P2RX5: variants seen among roughly 807,000 people sequenced by gnomAD.
P2RX5 encodes P2X purinoceptor 5.
Under a neutral mutation model 54.1 loss-of-function variants are expected in P2RX5, and 46 were observed. The ratio of observed to expected loss-of-function variants is 0.85; its 90% CI spans 0.67 to 1.09. The LOEUF is 1.09. Ranked by LOEUF, P2RX5 falls within the 50% of genes least tolerant of loss-of-function variation. The probability of loss-of-function intolerance (pLI) is 0.00; values close to 1 mark genes in which losing one functional copy is unlikely to be tolerated. For synonymous variants in P2RX5, 226 were observed against 226.4 expected (o/e 1.00, Z 0.02); for missense variants, 566 against 549.8 (o/e 1.03, Z -0.29).
At chr17:3,723,340 T>C in the P2RX5 span, 16 of 1,614,084 alleles carry the variant, frequency 9.9e-6, no homozygotes, top group Admixed American at 3.3e-5. Context: ...ATTTTCTTTA[T>C]CTGAAGCGAT....
chr17:3,723,612 A>G, the P2RX5 span: 1 of 1,430,674 alleles, frequency 7.0e-7, no homozygotes, highest in Non-Finnish European at 9.4e-7. Flanking sequence ...AACCCAGGAA[A>G]AACAGTCTCC....
At chr17:3,677,698 T>A (rs1275467937) in intron 11 of P2RX5, 1 of 985,138 alleles carries the variant, frequency 1.0e-6, no homozygotes, top group Non-Finnish European at 1.2e-6. Flanking sequence ...TAGGTCAGCA[T>A]CTCATTTAAG....
intron 9 of P2RX5, among the ~76,000 whole-genome samples, chr17:3,684,835 C>CCTTTTTTTTTTTTTTTTTTT (rs2050390904): frequency 1.2e-5 from 1 of 86,706 alleles, no homozygotes. Context: ...ATCCTGCCCC[C>CCTTTTTTTTTTTTTTTTTTT]TTTTTTTTTT....
the P2RX5 span, among the ~76,000 whole-genome samples, chr17:3,715,231 G>A: frequency 1.3e-3 from 194 of 152,200 alleles, 1 homozygote; most frequent in African/African-American, 4.1e-3. Context: ...CGGCTGTACT[G>A]GATCTAATCT....
the P2RX5 span, among the ~76,000 whole-genome samples, chr17:3,702,365 T>C: frequency 1.8e-4 from 28 of 152,200 alleles, no homozygotes; most frequent in East Asian, 1.9e-4. Context: ...ATCAGCGCTC[T>C]GTAAAATGGA....
intron 10 of P2RX5, among the ~76,000 whole-genome samples, chr17:3,681,079 C>CACCCGGGTTCCTCT (rs2050267120): frequency 6.6e-6 from 1 of 152,220 alleles, no homozygotes; most frequent in Non-Finnish European, 1.5e-5. Context: ...CAGCGTCCTC[C>CACCCGGGTTCCTCT]ACCCGGCTTC....
At chr17:3,683,748 A>AAG (rs71379594) in intron 9 of P2RX5, among the ~76,000 whole-genome samples, 3,438 of 142,412 alleles carry the variant, frequency 0.024, 188 homozygotes, top group Non-Finnish European at 0.036. Context: ...AAAAAAAAAA[A>AAG]GAAAAGTGAT....
the P2RX5 span, chr17:3,720,526 G>A: frequency 3.0e-4 from 179 of 591,344 alleles, 2 homozygotes; most frequent in South Asian, 3.4e-3. Context: ...TGGCCCTAAC[G>A]TACACAACAC....
chr17:3,702,006 TG>T, the P2RX5 span, among the ~76,000 whole-genome samples: 1 of 152,136 alleles, frequency 6.6e-6, no homozygotes, highest in African/African-American at 2.4e-5. Context: ...CTCGAACTCC[TG>T]GCCTCAAGTG....
At chr17:3,709,770 A>G in the P2RX5 span, among the ~76,000 whole-genome samples, 1 of 152,062 alleles carries the variant, frequency 6.6e-6, no homozygotes, top group Non-Finnish European at 1.5e-5. Context: ...TTAGCTGGGC[A>G]TGGTGGCGGG....
At chr17:3,680,978 C>T (rs908216726) in intron 10 of P2RX5, among the ~76,000 whole-genome samples, 5 of 145,802 alleles carry the variant, frequency 3.4e-5, no homozygotes, top group African/African-American at 1.3e-4. Flanking sequence ...ACCCTGCATC[C>T]TCCACCCAGT....
rs2050290609 is a variant in P2RX5 at position 3,681,787 on chromosome 17, C to A, written c.1064+109G>T. 4 of 785,566 alleles carry A rather than the reference C, an allele frequency of 5.1e-6. No individual in the cohort carries two copies. The Admixed American group carries it at 5.6e-5, about 11-fold the overall frequency. The allele number at this position is 785,566 out of a possible 1,614,324, so 48.7% of individuals were successfully genotyped here. A position where few individuals can be genotyped will look rare whatever the true frequency, so the allele number is the denominator to read the frequency against. On this transcript the variant is annotated intron_variant, in intron 10 of 11. Coordinates refer to ENST00000225328, the MANE Select transcript of P2RX5 (RefSeq NM_002561.4). Reference sequence around the variant, plus strand: ...CACTTCTCCTCCCCGGGCCCTCCAGCCCCTGCCTCCCACCCCAGCCATCAA... The same window carrying A: ...CACTTCTCCTCCCCGGGCCCTCCAGACCCTGCCTCCCACCCCAGCCATCAA...
chr17:3,685,655 C>CCGA (rs377723244), intron 9 of P2RX5: 1 of 114,630 alleles, frequency 8.7e-6, no homozygotes, highest in Non-Finnish European at 2.0e-5. Flanking sequence ...CCAGCGTCCC[C>CCGA]CTCCCAGCCT....
the P2RX5 span, among the ~76,000 whole-genome samples, chr17:3,712,329 A>G: frequency 2.6e-5 from 4 of 152,202 alleles, no homozygotes; most frequent in African/African-American, 9.7e-5. Flanking sequence ...GATGGTGCCC[A>G]ACAGCCTAGT....
chr17:3,699,942 GAAA>G (rs1567744479), upstream of P2RX5, among the ~76,000 whole-genome samples: 20 of 127,002 alleles, frequency 1.6e-4, no homozygotes, highest in South Asian at 3.4e-4. Flanking sequence ...AAGAAAGAAA[GAAA>G]GAAAGAAAGA....
the P2RX5 span, among the ~76,000 whole-genome samples, chr17:3,722,708 T>C: frequency 6.6e-6 from 1 of 152,068 alleles, no homozygotes; most frequent in Non-Finnish European, 1.5e-5. Context: ...GTTGAAGAAT[T>C]AAGCAGAGAC....
Position 3,673,751 on chromosome 17 carries a change from T to C in P2RX5, c.*117A>G. Reference sequence around the variant, plus strand: ...GCTGGTCCCTGTGATGTGGCATTGATAGCACCCAATGTACAAATTTCCCGT... The same window carrying C: ...GCTGGTCCCTGTGATGTGGCATTGACAGCACCCAATGTACAAATTTCCCGT... On this transcript the variant is annotated 3_prime_UTR_variant, in exon 12 of 12. Coordinates refer to ENST00000225328, the MANE Select transcript of P2RX5 (RefSeq NM_002561.4). 1.9e-6 allele frequency: 3 copies of C among 1,609,662 alleles called. No homozygotes were observed. Among genetic ancestry groups the C allele is most frequent in the Non-Finnish European group, 2.5e-6 (3 of 1,178,868 alleles).
At chr17:3,690,399 T>G (rs562533244) in intron 5 of P2RX5, 28 bp downstream of exon 5, 2 of 1,562,074 alleles carry the variant, frequency 1.3e-6, no homozygotes, top group African/African-American at 2.7e-5. Context: ...GGGAAACCCC[T>G]CAGGGTCCTG....
the P2RX5 span, chr17:3,718,176 A>G: frequency 6.9e-6 from 1 of 144,118 alleles, no homozygotes; most frequent in East Asian, 1.9e-4. Context: ...TCAGGTGATC[A>G]TGACACAGCT....
Sources: allele counts gnomAD v4.1 joint callset (sites outside exome capture counted in the v4.1 genomes callset), GRCh38; gene constraint gnomAD v4.1.1; transcripts MANE v1.5; gene names NCBI Gene and HGNC (gene_info 2026-07-23, HGNC 2026-07-21).